The following AGBL1 variants were observed in gnomAD, a reference collection of about 807,000 sequenced individuals.
The protein encoded by AGBL1 is cytosolic carboxypeptidase 4.
Under a neutral mutation model 118.9 loss-of-function variants are expected in AGBL1, and 130 were observed. The ratio of observed to expected loss-of-function variants is 1.09; its 90% CI spans 0.95 to 1.26. The LOEUF (loss-of-function observed/expected upper bound fraction) is 1.26. Ranked by LOEUF, AGBL1 falls within the 50% of genes most tolerant of loss-of-function variation. The pLI is 0.00. For missense variants in AGBL1, 1,584 were observed against 1,298.1 expected, an observed-to-expected ratio of 1.22 and a Z score of -3.38; for synonymous variants, 555 against 478.9, an observed-to-expected ratio of 1.16 and a Z score of -2.08.
At chr15:86,744,761 G>C (rs969668982) in intron 22 of AGBL1, among the ~76,000 whole-genome samples, 7 of 152,150 alleles carry the variant, frequency 4.6e-5, no homozygotes, top group Non-Finnish European at 1.0e-4. Flanking sequence ...CTCACTCGCT[G>C]TTATTTTCTA....
At chr15:86,662,824 A>G (rs2085568666) in intron 21 of AGBL1, among the ~76,000 whole-genome samples, 1 of 152,118 alleles carries the variant, frequency 6.6e-6, no homozygotes. Flanking sequence ...AACAAAAACT[A>G]CTAGCCATTC....
intron 22 of AGBL1, among the ~76,000 whole-genome samples, chr15:86,790,471 C>T (rs2141328462): frequency 6.6e-6 from 1 of 152,218 alleles, no homozygotes; most frequent in African/African-American, 2.4e-5. Flanking sequence ...GTTTGAGCTT[C>T]CTCAGAGCTT....
In AGBL1 at chr15:86,151,517, A is replaced by G. The variant is rs528978058; in HGVS notation, c.263-2913A>G. ...CTCTCAATAAACTAGGTATTGATGGAACATATCTCAAAATAATCAGAGCTA... is the reference window on the plus strand; with the variant it reads ...CTCTCAATAAACTAGGTATTGATGGGACATATCTCAAAATAATCAGAGCTA... On this transcript the variant is annotated intron_variant, in intron 3 of 22. Coordinates refer to ENST00000614907, the MANE Select transcript of AGBL1 (RefSeq NM_001386094.1). Among the ~76,000 whole-genome samples, 240 of 152,258 alleles carry G rather than the reference A, an allele frequency of 1.6e-3. 3 individuals carry two copies. In the South Asian group the frequency reaches 0.046, roughly 29 times the overall value.
intron 21 of AGBL1, among the ~76,000 whole-genome samples, chr15:86,643,759 G>C (rs2085229356): frequency 6.6e-6 from 1 of 151,982 alleles, no homozygotes; most frequent in South Asian, 2.1e-4. Context: ...AAGAATAAAA[G>C]TTATTTAATG....
chr15:86,739,589 A>G (rs1441041914), intron 22 of AGBL1, among the ~76,000 whole-genome samples: 1 of 151,800 alleles, frequency 6.6e-6, no homozygotes, highest in Non-Finnish European at 1.5e-5. Flanking sequence ...TCTTCAAAAG[A>G]CCTGGGTTCA....
chr15:86,197,005 C>T (rs531923977), intron 5 of AGBL1, among the ~76,000 whole-genome samples: 1 of 151,980 alleles, frequency 6.6e-6, no homozygotes, highest in East Asian at 1.9e-4. Context: ...ACCAACCCTG[C>T]CAGACCTTCT....
chr15:86,196,863 ACATGTGCGCGCGCGCG>A lies in AGBL1; in HGVS notation c.489-28048_489-28033del, dbSNP rs1225063998. Among the ~76,000 whole-genome samples, 457 of 90,614 alleles carry A rather than the reference ACATGTGCGCGCGCGCG, an allele frequency of 5.0e-3. 1 individual carries two copies. Among genetic ancestry groups the A allele is most frequent in the South Asian group, 7.9e-3 (19 of 2,408 alleles). 59.4% of individuals were successfully genotyped at this position (90,614 alleles called of 152,430 possible). On this transcript the variant is annotated intron_variant, in intron 5 of 22. Transcript: ENST00000614907. ...CCTCTCCCTGCATATGCGAATGTGC[ACATGTGCGCGCGCGCG>A]CACACACACACACACACACACACAC...
Position 86,163,417 on chromosome 15 carries a change from A to G in AGBL1, c.488+4391A>G, listed in dbSNP as rs145686748. Among the ~76,000 whole-genome samples, 319 of 152,254 alleles carry G rather than the reference A, an allele frequency of 2.1e-3. 8 individuals carry two copies. In the East Asian group the frequency reaches 0.055, roughly 26 times the overall value. ...GCATGCCAGCCTGGGGGACAAATTGAGATCCTGTCTTAAAAATAAATAAAT... is the reference window on the plus strand; with the variant it reads ...GCATGCCAGCCTGGGGGACAAATTGGGATCCTGTCTTAAAAATAAATAAAT... On this transcript the variant is annotated intron_variant, in intron 5 of 22. Coordinates refer to ENST00000614907, the MANE Select transcript of AGBL1 (RefSeq NM_001386094.1).
At chr15:86,764,992 A>T (rs185683180) in intron 22 of AGBL1, among the ~76,000 whole-genome samples, 1 of 152,002 alleles carries the variant, frequency 6.6e-6, no homozygotes, top group African/African-American at 2.4e-5. Context: ...AGGTGGATAG[A>T]TAGGCAGAGT....
At chr15:86,988,997 T>A (rs943060541) in intron 24 of AGBL1, among the ~76,000 whole-genome samples, 1 of 68,194 alleles carries the variant, frequency 1.5e-5, no homozygotes, top group South Asian at 4.1e-4. Flanking sequence ...TTCCCCCTGC[T>A]TTTTTTTTTT....
Position 86,391,218 on chromosome 15 carries a change from A to G in AGBL1, c.2375-6148A>G, listed in dbSNP as rs568594373. Reference sequence around the variant, plus strand: ...TTGGTAAAATTTATGTCTGTAAATTATATCACAATAAAACTAATAAAAAAG... The same window carrying G: ...TTGGTAAAATTTATGTCTGTAAATTGTATCACAATAAAACTAATAAAAAAG... On this transcript the variant is annotated intron_variant, in intron 17 of 22. Transcript: ENST00000614907. Among the ~76,000 whole-genome samples the G allele has an allele frequency of 3.9e-5, 6 of 152,276 alleles. No individual in the cohort carries two copies. The South Asian group carries it at 1.2e-3, about 32-fold the overall frequency.
intron 18 of AGBL1, among the ~76,000 whole-genome samples, chr15:86,438,308 C>T (rs1022332935): frequency 1.3e-5 from 2 of 152,140 alleles, no homozygotes; most frequent in Non-Finnish European, 2.9e-5. Flanking sequence ...GCTCAATATA[C>T]CTAAGTTCTT....
At chr15:86,444,511 G>A (rs183847228) in intron 18 of AGBL1, among the ~76,000 whole-genome samples, 1 of 152,288 alleles carries the variant, frequency 6.6e-6, no homozygotes, top group East Asian at 1.9e-4. Flanking sequence ...AGGGTAGTGT[G>A]AGCCTAGGGC....
At chr15:86,493,056 T>G (rs2082804369) in intron 18 of AGBL1, among the ~76,000 whole-genome samples, 1 of 152,102 alleles carries the variant, frequency 6.6e-6, no homozygotes, top group Non-Finnish European at 1.5e-5. Context: ...TAGCTGGGCA[T>G]GGTGGTGCAC....
intron 21 of AGBL1, among the ~76,000 whole-genome samples, chr15:86,565,444 C>T (rs1197120412): frequency 3.3e-5 from 5 of 152,212 alleles, no homozygotes; most frequent in South Asian, 2.1e-4. Flanking sequence ...TGCAGAGCAG[C>T]GAATATTGCT....
At chr15:86,760,292 C>A (rs753150891) in intron 22 of AGBL1, among the ~76,000 whole-genome samples, 1 of 152,010 alleles carries the variant, frequency 6.6e-6, no homozygotes, top group African/African-American at 2.4e-5. Flanking sequence ...GGGTGTCTTC[C>A]ATAAATCAGC....
At chr15:86,520,287 C>T (rs943713686) in intron 18 of AGBL1, among the ~76,000 whole-genome samples, 5 of 152,228 alleles carry the variant, frequency 3.3e-5, no homozygotes, top group Middle Eastern at 6.8e-3. Context: ...TGATATTTCT[C>T]TATAGGGATA....
At chr15:86,235,243 A>G (rs1006230519) in intron 6 of AGBL1, among the ~76,000 whole-genome samples, 5 of 152,088 alleles carry the variant, frequency 3.3e-5, no homozygotes, top group Admixed American at 3.3e-4. Context: ...ATTCTTCCTT[A>G]TTTCTTAAGC....
intron 22 of AGBL1, among the ~76,000 whole-genome samples, chr15:86,780,882 G>A (rs2078327123): frequency 6.6e-6 from 1 of 152,000 alleles, no homozygotes; most frequent in Non-Finnish European, 1.5e-5. Context: ...TTGCCTGTCT[G>A]ATTTTGAACT....
Sources: gnomAD v4.1 joint callset for allele counts (sites outside exome capture counted in the v4.1 genomes callset) on GRCh38, gnomAD v4.1.1 for gene constraint, MANE v1.5 for transcripts, NCBI Gene and HGNC (gene_info 2026-07-23, HGNC 2026-07-21) for gene names.